Variants in TEK observed in about 807,000 individuals in gnomAD.
TEK encodes the protein angiopoietin-1 receptor.
A neutral mutation model predicts 131.8 loss-of-function variants in TEK; 43 were observed. The observed-to-expected ratio is 0.33, with a 90% CI of 0.26 to 0.42. The LOEUF (loss-of-function observed/expected upper bound fraction) is 0.42, where lower values mean the gene tolerates loss of function less well. Among genes scored for constraint, TEK ranks in the 10% least tolerant of loss-of-function variants. The probability of loss-of-function intolerance (pLI) is 1.00; values close to 1 mark genes in which losing one functional copy is unlikely to be tolerated. For missense variants in TEK, 1,162 were observed against 1,384.4 expected (o/e 0.84, Z 2.55); for synonymous variants, 580 against 491.6 (o/e 1.18, Z -2.38).
intron 14 of TEK, among the ~76,000 whole-genome samples, chr9:27,205,584 G>A (rs1007611815): frequency 2.0e-5 from 3 of 151,748 alleles, no homozygotes; most frequent in East Asian, 1.9e-4. Context: ...CCATTCCTGT[G>A]TACCCTCAGT....
intron 1 of TEK, among the ~76,000 whole-genome samples, chr9:27,125,368 C>T (rs1437439140): frequency 6.6e-6 from 1 of 152,226 alleles, no homozygotes; most frequent in Non-Finnish European, 1.5e-5. Flanking sequence ...AGTGCTGTTG[C>T]CAGCCAGGAA....
chr9:27,175,673 C>T (rs995686343), intron 6 of TEK, among the ~76,000 whole-genome samples: 43 of 151,902 alleles, frequency 2.8e-4, no homozygotes, highest in African/African-American at 7.0e-4. Flanking sequence ...TTTTAATGAT[C>T]GCCATTCTAA....
rs1363004753 is a variant in TEK, at chr9:27,163,489, AAGG to A, written c.365-5000_365-4998del. ...CAGGAGCTGGTGAGGCTGAGGAGAA[AAGG>A]AGGAGAAAAGAAGAAAGAAAACTCA... On this transcript the variant is annotated intron_variant, in intron 2 of 22. Coordinates refer to ENST00000380036, the MANE Select transcript of TEK (RefSeq NM_000459.5). Among the ~76,000 whole-genome samples the A allele has an allele frequency of 2.0e-5, 3 of 152,298 alleles. No homozygotes were observed. In the East Asian group the frequency reaches 5.8e-4, roughly 29 times the overall value.
At chr9:27,172,186 G>T (rs527950161) in intron 4 of TEK, among the ~76,000 whole-genome samples, 3 of 152,176 alleles carry the variant, frequency 2.0e-5, no homozygotes, top group Non-Finnish European at 4.4e-5. Context: ...TGATGGGGAT[G>T]CTACTGGTCA....
chr9:27,115,065 G>A (rs184707717), intron 1 of TEK, among the ~76,000 whole-genome samples: 3 of 152,196 alleles, frequency 2.0e-5, no homozygotes, highest in South Asian at 2.1e-4. Context: ...GAATATAGGC[G>A]GATGAATTGT....
intron 1 of TEK, among the ~76,000 whole-genome samples, chr9:27,143,707 G>A (rs979656912): frequency 6.6e-6 from 1 of 152,128 alleles, no homozygotes; most frequent in African/African-American, 2.4e-5. Context: ...TGTCTACATA[G>A]GAAGATAAAG....
At chr9:27,198,887 T>A (rs1280229011) in intron 12 of TEK, among the ~76,000 whole-genome samples, 1 of 152,196 alleles carries the variant, frequency 6.6e-6, no homozygotes, top group Non-Finnish European at 1.5e-5. Flanking sequence ...AGCCTTGGCT[T>A]CCTGGGCCCA....
At chr9:27,193,487 C>T (rs1824896337) in intron 11 of TEK, among the ~76,000 whole-genome samples, 1 of 152,134 alleles carries the variant, frequency 6.6e-6, no homozygotes, top group Non-Finnish European at 1.5e-5. Flanking sequence ...GACTGGCCTT[C>T]TATTGCGTTA....
At chr9:27,133,723 C>A (rs1822311673) in intron 1 of TEK, among the ~76,000 whole-genome samples, 1 of 152,164 alleles carries the variant, frequency 6.6e-6, no homozygotes. Context: ...GAGGGTGAGA[C>A]CCATGCCTGG....
rs1373256200 is a variant in TEK, at chr9:27,229,402, C to T, written c.*170C>T. The T allele has an allele frequency of 4.2e-6, 3 of 706,548 alleles. No homozygotes were observed. The highest frequency in any genetic ancestry group is 2.7e-5 in the East Asian group (1 of 37,694). The allele number at this position is 706,548 out of a possible 1,614,324, so 43.8% of individuals were successfully genotyped here. ...CCCATGCATGGATCTATGTAGTATG[C>T]TCTGACTCTAATAGGACTGTATATA... On this transcript the variant is annotated 3_prime_UTR_variant, in exon 23 of 23. Transcript: ENST00000380036.
intron 2 of TEK, among the ~76,000 whole-genome samples, chr9:27,161,040 C>T (rs775378968): frequency 2.2e-4 from 34 of 152,196 alleles, no homozygotes; most frequent in Non-Finnish European, 2.4e-4. Flanking sequence ...CCACTGTGTC[C>T]TTGCTGTACT....
intron 21 of TEK, among the ~76,000 whole-genome samples, chr9:27,224,695 A>G (rs894634512): frequency 2.6e-5 from 4 of 152,210 alleles, no homozygotes; most frequent in African/African-American, 4.8e-5. Flanking sequence ...GAAAACCGGC[A>G]TAAGACAAGG....
intron 21 of TEK, among the ~76,000 whole-genome samples, chr9:27,222,640 T>C (rs1391205799): frequency 1.3e-5 from 2 of 152,006 alleles, no homozygotes; most frequent in East Asian, 3.9e-4. Context: ...GAGAAATAAA[T>C]CCTTTACAGA....
intron 1 of TEK, among the ~76,000 whole-genome samples, chr9:27,110,278 G>C (rs58090173): frequency 0.023 from 3,548 of 151,578 alleles, 133 homozygotes; most frequent in African/African-American, 0.082. Context: ...GGGTTTACTG[G>C]CCCAATGAAA....
intron 1 of TEK, among the ~76,000 whole-genome samples, chr9:27,155,962 C>G (rs1823317247): frequency 6.6e-6 from 1 of 151,968 alleles, no homozygotes; most frequent in South Asian, 2.1e-4. Flanking sequence ...ACCACCACAC[C>G]CAGCTAATTT....
intron 21 of TEK, among the ~76,000 whole-genome samples, chr9:27,223,953 C>T (rs1337905208): frequency 6.6e-6 from 1 of 152,160 alleles, no homozygotes; most frequent in Non-Finnish European, 1.5e-5. Context: ...CACAGAAATA[C>T]AAACTACCAT....
chr9:27,207,441 C>A (rs1825437822), intron 15 of TEK, among the ~76,000 whole-genome samples: 1 of 152,210 alleles, frequency 6.6e-6, no homozygotes. Context: ...GAGAAAACCA[C>A]TGACTTAAGG....
At chr9:27,120,577 C>G (rs1335064654) in intron 1 of TEK, among the ~76,000 whole-genome samples, 1 of 152,248 alleles carries the variant, frequency 6.6e-6, no homozygotes, top group African/African-American at 2.4e-5. Context: ...CGACAGAAGC[C>G]TGGTGCTCCA....
chr9:27,217,619 C>CAA, intron 18 of TEK, 69 bp from the exon 19 acceptor site: 1 of 1,403,662 alleles, frequency 7.1e-7, no homozygotes, highest in Non-Finnish European at 1.0e-6. Context: ...GGAGCCACAG[C>CAA]TCAGGCAGGC....
Sources: gnomAD v4.1 joint callset for allele counts (sites outside exome capture counted in the v4.1 genomes callset) on GRCh38, gnomAD v4.1.1 for gene constraint, MANE v1.5 for transcripts, NCBI Gene and HGNC (gene_info 2026-07-23, HGNC 2026-07-21) for gene names.